Variants in TMEM232 observed in about 807,000 individuals in gnomAD.
TMEM232 encodes the protein transmembrane protein 232.
A neutral mutation model predicts 78.8 loss-of-function variants in TMEM232; 80 were observed. The ratio of observed to expected loss-of-function variants is 1.01; its 90% CI spans 0.85 to 1.22. The LOEUF (loss-of-function observed/expected upper bound fraction) is 1.22. Among genes scored for constraint, TMEM232 ranks in the 50% most tolerant of loss-of-function variants. The pLI is 0.00. For missense variants in TMEM232, 881 were observed against 742.2 expected (o/e 1.19, Z -2.17); for synonymous variants, 297 against 254.3 (o/e 1.17, Z -1.60).
chr5:110,455,117 C>A (rs1233703232), intron 12 of TMEM232, among the ~76,000 whole-genome samples: 1 of 152,026 alleles, frequency 6.6e-6, no homozygotes, highest in African/African-American at 2.4e-5. Flanking sequence ...AAATGGATAG[C>A]ATGATTACTT....
chr5:110,593,884 G>A (rs1779832771), intron 10 of TMEM232, among the ~76,000 whole-genome samples: 1 of 152,026 alleles, frequency 6.6e-6, no homozygotes, highest in South Asian at 2.1e-4. Context: ...TTACCCTGAT[G>A]TAATTATTAC....
chr5:110,698,650 C>A (rs1316318044), intron 1 of TMEM232, among the ~76,000 whole-genome samples: 2 of 151,958 alleles, frequency 1.3e-5, no homozygotes, highest in African/African-American at 4.8e-5. Flanking sequence ...GGAATCCAGT[C>A]GTCCCTCTCT....
intron 11 of TMEM232, among the ~76,000 whole-genome samples, chr5:110,531,788 G>A (rs1380283011): frequency 6.6e-6 from 1 of 152,028 alleles, no homozygotes; most frequent in African/African-American, 2.4e-5. Context: ...CCAGTTCATG[G>A]CTCGTTTGGC....
intron 5 of TMEM232, chr5:110,387,439 C>T (rs1214882704): frequency 2.0e-5 from 3 of 152,148 alleles, no homozygotes; most frequent in Admixed American, 6.5e-5. Context: ...GATTAGATAT[C>T]ATAGAGAAAA....
At position 110,528,689 on chromosome 5, in the gene TMEM232, A is replaced by G; in HGVS notation, c.1602T>C (p.His534=). The part of the protein sequence containing the change: ...SKLFFPPIEA[H]FLPLKKPSIK... ...TTGATGGTTTCTTCAAAGGAAGAAAATGGGCCTCAATGGGGGGAAAGAATA... is the reference window on the plus strand; with the variant it reads ...TTGATGGTTTCTTCAAAGGAAGAAAGTGGGCCTCAATGGGGGGAAAGAATA... The change falls in exon 12 of 14, where the codon CAT becomes CAC. Residue 534 remains histidine, a synonymous_variant. Coordinates refer to ENST00000455884, the MANE Select transcript of TMEM232 (RefSeq NM_001039763.4). 1 of 1,535,184 alleles carries G rather than the reference A, an allele frequency of 6.5e-7. No individual in the cohort carries two copies. Among genetic ancestry groups the G allele is most frequent in the Non-Finnish European group, 8.7e-7 (1 of 1,146,440 alleles).
chr5:110,713,363 T>C (rs1261005341), intron 1 of TMEM232, among the ~76,000 whole-genome samples: 2 of 152,078 alleles, frequency 1.3e-5, no homozygotes, highest in South Asian at 2.1e-4. Context: ...CTATAGTCAA[T>C]AATAATTTAA....
intron 2 of TMEM232, among the ~76,000 whole-genome samples, chr5:110,400,712 A>G (rs1755560614): frequency 6.6e-6 from 1 of 152,074 alleles, no homozygotes; most frequent in African/African-American, 2.4e-5. Context: ...ATATAAAAAC[A>G]GTGTAGTGGC....
intron 1 of TMEM232, among the ~76,000 whole-genome samples, chr5:110,696,974 G>C (rs944871865): frequency 1.3e-5 from 2 of 152,114 alleles, no homozygotes; most frequent in African/African-American, 2.4e-5. Flanking sequence ...AACCAGAAAA[G>C]AGCCCGCATT....
At chr5:110,563,655 T>C (rs1417515507) in intron 11 of TMEM232, among the ~76,000 whole-genome samples, 1 of 151,936 alleles carries the variant, frequency 6.6e-6, no homozygotes, top group Non-Finnish European at 1.5e-5. Flanking sequence ...GTAATAAGGT[T>C]CATAGAGTGC....
At chr5:110,510,623 A>G (rs1767607925) in intron 12 of TMEM232, among the ~76,000 whole-genome samples, 1 of 152,222 alleles carries the variant, frequency 6.6e-6, no homozygotes, top group Non-Finnish European at 1.5e-5. Flanking sequence ...CCCTATCAAA[A>G]GGTGGGAAAA....
chr5:110,734,821 AT>A (rs36063824), intron 2 of TMEM232: 2 of 152,210 alleles, frequency 1.3e-5, no homozygotes, highest in Non-Finnish European at 2.9e-5. Flanking sequence ...TTTGAAAGAT[AT>A]TTTTAAAATT....
chr5:110,605,324 G>A lies in TMEM232; in HGVS notation c.1061C>T (p.Ala354Val). The A allele has an allele frequency of 6.5e-7, 1 of 1,545,886 alleles. No homozygotes were observed. Among genetic ancestry groups the A allele is most frequent in the South Asian group, 1.2e-5 (1 of 82,246 alleles). Residue 354 changes from alanine (A) to valine (V), a missense_variant, in exon 10 of 14, where the codon GCC becomes GTC. Physicochemically the swap from Ala to Val is moderately conservative, Grantham distance 64. Transcript: ENST00000455884. ...ESCKVDDFSW[A>V]WNVVYIYTVI... ...TGTATATATGTAGACTACATTCCAG[G>A]CCCAGGAAAAATCATCTACCTTGCA...
In TMEM232 at chr5:110,419,569, C is replaced by A. The variant is rs147056223; in HGVS notation, c.*1011G>T. Reference sequence around the variant, plus strand: ...CTTCTTGAAAGGCTGGATGATTTTACAATACTGACATACATTTTGGAATGT... The same window carrying A: ...CTTCTTGAAAGGCTGGATGATTTTAAAATACTGACATACATTTTGGAATGT... On this transcript the variant is annotated 3_prime_UTR_variant, in exon 14 of 14. Coordinates refer to ENST00000455884, the MANE Select transcript of TMEM232 (RefSeq NM_001039763.4). 2.8e-3 allele frequency among the ~76,000 whole-genome samples: 427 copies of A among 152,134 alleles called. 1 individual carries two copies. Among genetic ancestry groups the A allele is most frequent in the African/African-American group, 9.8e-3 (408 of 41,538 alleles).
At chr5:110,609,699 T>G (rs1027847797) in intron 8 of TMEM232, among the ~76,000 whole-genome samples, 1 of 152,136 alleles carries the variant, frequency 6.6e-6, no homozygotes, top group Non-Finnish European at 1.5e-5. Flanking sequence ...GGAAGCTGCC[T>G]GATAATTTTA....
chr5:110,684,705 T>C (rs985876116), intron 1 of TMEM232: 3 of 152,126 alleles, frequency 2.0e-5, no homozygotes, highest in Admixed American at 6.6e-5. Context: ...CTTGACCAAA[T>C]GGACATATAG....
intron 12 of TMEM232, among the ~76,000 whole-genome samples, chr5:110,459,289 CT>C (rs1181616973): frequency 1.3e-5 from 2 of 152,092 alleles, no homozygotes; most frequent in Non-Finnish European, 2.9e-5. Flanking sequence ...CTTATTTGAA[CT>C]GAGTTTTATT....
intron 8 of TMEM232, among the ~76,000 whole-genome samples, chr5:110,611,148 A>G (rs1288753143): frequency 6.6e-6 from 1 of 152,182 alleles, no homozygotes; most frequent in Non-Finnish European, 1.5e-5. Context: ...CTTAACTATA[A>G]TGTTATCAGA....
At chr5:110,644,362 TATA>T (rs939720761) in intron 2 of TMEM232, among the ~76,000 whole-genome samples, 3 of 151,932 alleles carry the variant, frequency 2.0e-5, no homozygotes, top group Non-Finnish European at 2.9e-5. Flanking sequence ...ATTTAATTTT[TATA>T]ATATCATTAG....
intron 8 of TMEM232, among the ~76,000 whole-genome samples, chr5:110,608,171 T>C (rs1781742897): frequency 6.6e-6 from 1 of 151,970 alleles, no homozygotes; most frequent in Non-Finnish European, 1.5e-5. Context: ...TTATGTACCC[T>C]ACCTCAGTCT....
Sources: gnomAD v4.1 joint callset for allele counts (sites outside exome capture counted in the v4.1 genomes callset) on GRCh38, gnomAD v4.1.1 for gene constraint, MANE v1.5 for transcripts, NCBI Gene and HGNC (gene_info 2026-07-23, HGNC 2026-07-21) for gene names.